Variants in EPB41L5 observed in about 807,000 individuals in gnomAD.
EPB41L5 encodes the protein erythrocyte membrane protein band 4.1 like 5, also known as band 4.1-like protein 5.
A neutral mutation model predicts 106.6 loss-of-function variants in EPB41L5; 55 were observed. The ratio of observed to expected loss-of-function variants is 0.52; its 90% CI spans 0.42 to 0.65. EPB41L5 has a LOEUF of 0.65. Among genes scored for constraint, EPB41L5 ranks in the 30% least tolerant of loss-of-function variants. The pLI is 0.00. For synonymous variants in EPB41L5, 297 were observed against 306.7 expected, an observed-to-expected ratio of 0.97 and a Z score of 0.33; for missense variants, 871 against 882.1, an observed-to-expected ratio of 0.99 and a Z score of 0.16.
At chr2:120,049,830 C>T (rs1436513408) in intron 3 of EPB41L5, among the ~76,000 whole-genome samples, 1 of 152,124 alleles carries the variant, frequency 6.6e-6, no homozygotes, top group African/African-American at 2.4e-5. Context: ...TTTAGTGCTT[C>T]CTTCAGGAGC....
At chr2:120,163,272 C>A (rs938835) in intron 21 of EPB41L5, among the ~76,000 whole-genome samples, 63,639 of 106,004 alleles carry the variant, frequency 0.6, 18,625 homozygotes, top group Middle Eastern at 0.7. Flanking sequence ...CCCCCCCCCC[C>A]AAAAAAAGAA....
intron 22 of EPB41L5, among the ~76,000 whole-genome samples, chr2:120,166,558 C>T (rs1687421105): frequency 6.6e-6 from 1 of 152,070 alleles, no homozygotes; most frequent in Admixed American, 6.5e-5. Context: ...CTGCCTTGGC[C>T]TCCCGAGTAG....
intron 18 of EPB41L5, among the ~76,000 whole-genome samples, chr2:120,133,627 C>G (rs1056837696): frequency 6.6e-6 from 1 of 152,146 alleles, no homozygotes; most frequent in Non-Finnish European, 1.5e-5. Flanking sequence ...GCTAGCCCAC[C>G]GCTGTGGGCT....
intron 2 of EPB41L5, among the ~76,000 whole-genome samples, chr2:120,033,842 C>G (rs1232679232): frequency 6.6e-6 from 1 of 152,040 alleles, no homozygotes; most frequent in African/African-American, 2.4e-5. Context: ...GCTTATAATC[C>G]CAGCACTTTG....
chr2:120,055,486 T>A (rs1420873769), intron 3 of EPB41L5, among the ~76,000 whole-genome samples: 1 of 136,012 alleles, frequency 7.4e-6, no homozygotes, highest in Non-Finnish European at 1.6e-5. Flanking sequence ...TTTTAATTTT[T>A]TTTTTTTTTT....
At chr2:120,099,175 T>C (rs2105391710) in intron 14 of EPB41L5, among the ~76,000 whole-genome samples, 1 of 152,318 alleles carries the variant, frequency 6.6e-6, no homozygotes, top group East Asian at 1.9e-4. Context: ...TTTATATTTT[T>C]GAATTATTTT....
intron 16 of EPB41L5, among the ~76,000 whole-genome samples, chr2:120,121,392 G>A (rs1685210745): frequency 6.6e-6 from 1 of 151,920 alleles, no homozygotes; most frequent in African/African-American, 2.4e-5. Flanking sequence ...GGTGTTCCCT[G>A]CCTTGTGTCC....
At chr2:120,103,695 T>G (rs1191085540) in intron 16 of EPB41L5, among the ~76,000 whole-genome samples, 2 of 152,216 alleles carry the variant, frequency 1.3e-5, no homozygotes, top group Non-Finnish European at 2.9e-5. Context: ...TTAAGTAGAT[T>G]ATGAATATTT....
chr2:120,097,577 T>C (rs1019055625), intron 14 of EPB41L5, among the ~76,000 whole-genome samples: 4 of 152,254 alleles, frequency 2.6e-5, no homozygotes, highest in Non-Finnish European at 4.4e-5. Context: ...GGTGATGTTT[T>C]AAAGGATAGT....
chr2:120,174,248 A>G (rs576519022), intron 24 of EPB41L5, among the ~76,000 whole-genome samples: 2 of 152,242 alleles, frequency 1.3e-5, no homozygotes, highest in East Asian at 3.9e-4. Context: ...TTGAGCCCAG[A>G]AGTTTGAGAC....
chr2:120,140,949 A>G (rs547774944), intron 18 of EPB41L5, among the ~76,000 whole-genome samples: 14 of 152,260 alleles, frequency 9.2e-5, no homozygotes, highest in African/African-American at 3.4e-4. Flanking sequence ...AAAATACGTC[A>G]TTCTAAAGTA....
intron 3 of EPB41L5, among the ~76,000 whole-genome samples, chr2:120,046,967 T>C (rs1327720430): frequency 6.6e-6 from 1 of 152,068 alleles, no homozygotes; most frequent in Non-Finnish European, 1.5e-5. Flanking sequence ...GATCAGATGG[T>C]TGTAGATGTG....
intron 3 of EPB41L5, among the ~76,000 whole-genome samples, chr2:120,058,941 A>G (rs1178780272): frequency 1.3e-5 from 2 of 152,206 alleles, no homozygotes; most frequent in Admixed American, 6.5e-5. Context: ...TTTTGTAGAT[A>G]TAGGTAAGAT....
At chr2:120,171,473 G>A (rs1687669801) in intron 24 of EPB41L5, among the ~76,000 whole-genome samples, 1 of 152,302 alleles carries the variant, frequency 6.6e-6, no homozygotes, top group Non-Finnish European at 1.5e-5. Flanking sequence ...GAGAGGCTCT[G>A]GATCTTGGAA....
chr2:120,041,487 G>A (rs183291489), intron 2 of EPB41L5, among the ~76,000 whole-genome samples: 8 of 151,930 alleles, frequency 5.3e-5, no homozygotes, highest in East Asian at 1.9e-4. Context: ...CATATTCCCC[G>A]CACCTCCCAG....
chr2:120,133,971 A>G (rs1439758588), intron 18 of EPB41L5, among the ~76,000 whole-genome samples: 2 of 151,934 alleles, frequency 1.3e-5, no homozygotes, highest in Non-Finnish European at 2.9e-5. Flanking sequence ...TTCAGGCCCC[A>G]CCTCCCAATG....
intron 3 of EPB41L5, among the ~76,000 whole-genome samples, chr2:120,049,393 A>G (rs992546243): frequency 2.6e-5 from 4 of 152,172 alleles, no homozygotes; most frequent in African/African-American, 9.7e-5. Context: ...TTCTTGTTGA[A>G]TTGATCCCTT....
At chr2:120,042,181 G>A in intron 3 of EPB41L5, 71 bp downstream of exon 3, 1 of 1,125,656 alleles carries the variant, frequency 8.9e-7, no homozygotes, top group Non-Finnish European at 1.3e-6. Context: ...TATACTAATT[G>A]CTATAAGGCT....
At chr2:120,124,606 A>C (rs1380259377) in intron 16 of EPB41L5, among the ~76,000 whole-genome samples, 1 of 152,190 alleles carries the variant, frequency 6.6e-6, no homozygotes, top group Admixed American at 6.5e-5. Flanking sequence ...ATACTCTGAA[A>C]ATTTAACATT....
Sources: allele counts gnomAD v4.1 joint callset (sites outside exome capture counted in the v4.1 genomes callset), GRCh38; gene constraint gnomAD v4.1.1; transcripts MANE v1.5; gene names NCBI Gene and HGNC (gene_info 2026-07-23, HGNC 2026-07-21).